Variants in DNM2 observed in about 807,000 individuals in gnomAD.
The protein encoded by DNM2 is dynamin 2.
In DNM2, 15 loss-of-function variants were observed where a neutral mutation model predicts 99.0. The ratio of observed to expected loss-of-function variants is 0.15; its 90% CI spans 0.10 to 0.23. The LOEUF (loss-of-function observed/expected upper bound fraction) is 0.23. Among genes scored for constraint, DNM2 ranks in the 10% least tolerant of loss-of-function variants. The pLI is 1.00. For missense variants in DNM2, 742 were observed against 1,189.4 expected, an observed-to-expected ratio of 0.62 and a Z score of 5.53; for synonymous variants, 525 against 481.2, an observed-to-expected ratio of 1.09 and a Z score of -1.19.
intron 5 of DNM2, 39 bp from the exon 6 acceptor site, chr19:10,782,921 A>C (rs1424201122): frequency 6.2e-7 from 1 of 1,613,680 alleles, no homozygotes; most frequent in South Asian, 1.1e-5. Context: ...CACTTGGCTC[A>C]CCTAGCTTTG....
At chr19:10,791,908 C>T (rs1054089236) in intron 7 of DNM2, among the ~76,000 whole-genome samples, 4 of 152,040 alleles carry the variant, frequency 2.6e-5, no homozygotes, top group Admixed American at 6.6e-5. Context: ...GCCAACATGC[C>T]GAAACCCCAT....
At chr19:10,719,178 A>C (rs1284572567) in intron 1 of DNM2, among the ~76,000 whole-genome samples, 1 of 151,648 alleles carries the variant, frequency 6.6e-6, no homozygotes, top group African/African-American at 2.4e-5. Context: ...GCCATCTCCT[A>C]GTCTGCCCAT....
chr19:10,827,460 T>C (rs1449108610), intron 18 of DNM2, among the ~76,000 whole-genome samples: 1 of 152,068 alleles, frequency 6.6e-6, no homozygotes, highest in Non-Finnish European at 1.5e-5. Flanking sequence ...GCCCAGCTAC[T>C]CGGGAAGCTG....
intron 12 of DNM2, 146 bp from the exon 13 acceptor site, chr19:10,805,770 A>G (rs911972174): frequency 1.1e-6 from 1 of 944,818 alleles, no homozygotes; most frequent in African/African-American, 1.6e-5. Context: ...TCCCTTGCGC[A>G]GCTCTGTGTG....
Position 10,764,672 on chromosome 19 carries a change from G to A in DNM2, c.235+4861G>A, listed in dbSNP as rs1162480076. Among the ~76,000 whole-genome samples the A allele has an allele frequency of 6.6e-6, 1 of 152,144 alleles. No homozygotes were observed. Among genetic ancestry groups the A allele is most frequent in the Non-Finnish European group, 1.5e-5 (1 of 68,040 alleles). ...GACCTGGCTCCAGGGCTTCCCATTGGCCTCAGAATCAAATCGAGCCTCCTT... is the reference window on the plus strand; with the variant it reads ...GACCTGGCTCCAGGGCTTCCCATTGACCTCAGAATCAAATCGAGCCTCCTT... On this transcript the variant is annotated intron_variant, in intron 2 of 20. Coordinates refer to ENST00000389253, the MANE Select transcript of DNM2 (RefSeq NM_001005361.3). The surrounding 1 kb of genome is among the most constrained non-coding windows in gnomAD (Gnocchi z 4.1).
chr19:10,773,146 AT>A (rs71164120), intron 3 of DNM2, among the ~76,000 whole-genome samples: 85,358 of 97,652 alleles, frequency 0.87, 37,132 homozygotes, highest in East Asian at 0.97. Context: ...CACCCAGCTA[AT>A]TTTTTTTTTT....
intron 6 of DNM2, 185 bp from the exon 7 acceptor site, chr19:10,786,379 G>A (rs887420288): frequency 5.2e-5 from 51 of 989,906 alleles, no homozygotes; most frequent in African/African-American, 1.8e-4. Context: ...GCTCCGTGCC[G>A]TCTCCGTTCC....
chr19:10,801,931 A>T lies in DNM2; in HGVS notation c.1423-357A>T, dbSNP rs1253579335. Among the ~76,000 whole-genome samples, 3 of 151,964 alleles carry T rather than the reference A, an allele frequency of 2.0e-5. No individual in the cohort carries two copies. The East Asian group carries it at 5.8e-4, about 29-fold the overall frequency. ...AAGAAAAAAAAAAAAAAAACAAAAA[A>T]AACAACTGCACATTATTAAACCCTT... On this transcript the variant is annotated intron_variant, in intron 11 of 20. Coordinates refer to ENST00000389253, the MANE Select transcript of DNM2 (RefSeq NM_001005361.3).
chr19:10,757,720 A>G (rs1482792907), intron 1 of DNM2, among the ~76,000 whole-genome samples: 2 of 152,118 alleles, frequency 1.3e-5, no homozygotes, highest in South Asian at 2.1e-4. Flanking sequence ...CAAGGCGGGC[A>G]GATCACCTGA....
At chr19:10,757,044 G>A (rs2070411585) in intron 1 of DNM2, among the ~76,000 whole-genome samples, 1 of 152,156 alleles carries the variant, frequency 6.6e-6, no homozygotes, top group Admixed American at 6.5e-5. Context: ...CCCAGCTGGT[G>A]GCATTGCTCT....
chr19:10,819,911 G>T (rs961391428), intron 15 of DNM2, 69 bp from the exon 16 acceptor site: 5 of 1,456,704 alleles, frequency 3.4e-6, no homozygotes, highest in Non-Finnish European at 4.8e-6. Flanking sequence ...CATGCTACAC[G>T]CTCTGGCCTG....
chr19:10,781,151 C>T (rs2071357226), intron 5 of DNM2, among the ~76,000 whole-genome samples: 1 of 152,108 alleles, frequency 6.6e-6, no homozygotes, highest in Admixed American at 6.6e-5. Context: ...GATTGTGCCA[C>T]TGCAATGCAG....
rs2072550576 is a variant in DNM2 at position 10,811,680 on chromosome 19, C to T, written c.1558-584C>T. 5.8e-6 allele frequency: 3 copies of T among 514,818 alleles called. No homozygotes were observed. The highest frequency in any genetic ancestry group is 7.7e-6 in the Non-Finnish European group (2 of 258,384). 31.9% of individuals were successfully genotyped at this position (514,818 alleles called of 1,614,324 possible). On this transcript the variant is annotated intron_variant, in intron 14 of 20. Coordinates refer to ENST00000389253, the MANE Select transcript of DNM2 (RefSeq NM_001005361.3). The surrounding 1 kb of genome is among the most constrained non-coding windows in gnomAD (Gnocchi z 5.4). ...CCGTTAGTTGTCAGGTGAGTCCCTG[C>T]GCAGGCCTGGGTTCTGACCCCCACG...
intron 5 of DNM2, among the ~76,000 whole-genome samples, chr19:10,777,985 T>TA (rs1425908265): frequency 6.6e-6 from 1 of 151,846 alleles, no homozygotes; most frequent in Non-Finnish European, 1.5e-5. Context: ...TGGTTATTAT[T>TA]ATTATTTTCT....
chr19:10,821,881 C>T (rs1402715073), intron 16 of DNM2, among the ~76,000 whole-genome samples: 1 of 152,164 alleles, frequency 6.6e-6, no homozygotes, highest in African/African-American at 2.4e-5. Flanking sequence ...CAGACTCCAG[C>T]CATTGTGATG....
Position 10,764,194 on chromosome 19 carries a change from G to T in DNM2, c.235+4383G>T, listed in dbSNP as rs148371336. Among the ~76,000 whole-genome samples, 1 of 152,248 alleles carries T rather than the reference G, an allele frequency of 6.6e-6. No homozygotes were observed. The highest frequency in any genetic ancestry group is 1.9e-4 in the East Asian group (1 of 5,182). On this transcript the variant is annotated intron_variant, in intron 2 of 20. Coordinates refer to ENST00000389253, the MANE Select transcript of DNM2 (RefSeq NM_001005361.3). This position sits in a 1 kb window ranked among gnomAD's most constrained non-coding sequence, Gnocchi z 4.1. The stretch of plus-strand genomic sequence containing the variant: ...CAGGCTGCCACCCTTTACTGGCCCG[G>T]GACTTGTTAAAGTGACTTCCCTCTC...
At chr19:10,762,747 A>T (rs567131602) in intron 2 of DNM2, among the ~76,000 whole-genome samples, 3 of 152,156 alleles carry the variant, frequency 2.0e-5, no homozygotes, top group Non-Finnish European at 4.4e-5. Context: ...GCCCACCCTT[A>T]AGCCACCTCT....
chr19:10,774,359 G>A (rs2071079662), intron 3 of DNM2, among the ~76,000 whole-genome samples: 2 of 152,170 alleles, frequency 1.3e-5, no homozygotes, highest in African/African-American at 4.8e-5. Context: ...AATTGTGATT[G>A]TATCTATGTA....
At chr19:10,783,236 G>A (rs2071437219) in intron 6 of DNM2, 116 bp downstream of exon 6, 3 of 1,479,076 alleles carry the variant, frequency 2.0e-6, no homozygotes, top group Non-Finnish European at 2.8e-6. Context: ...AGCAAAATGG[G>A]TTCAGTCCAC....
Sources: allele counts gnomAD v4.1 joint callset (sites outside exome capture counted in the v4.1 genomes callset), GRCh38; gene constraint gnomAD v4.1.1; non-coding constraint Gnocchi (gnomAD v3.1); transcripts MANE v1.5; gene names NCBI Gene and HGNC (gene_info 2026-07-23, HGNC 2026-07-21).